SORCS3: variants seen among roughly 807,000 people sequenced by gnomAD.
SORCS3 encodes the protein VPS10 domain-containing receptor SorCS3.
SORCS3 carries 57 observed loss-of-function variants against 146.3 expected under a neutral mutation model. The observed-to-expected ratio is 0.39, with a 90% CI of 0.31 to 0.49. The LOEUF is 0.49. Among genes scored for constraint, SORCS3 ranks in the 20% least tolerant of loss-of-function variants. The pLI is 0.92. For missense variants in SORCS3, 1,341 were observed against 1,575.5 expected (o/e 0.85, Z 2.52); for synonymous variants, 653 against 618.5 (o/e 1.06, Z -0.83).
At chr10:104,872,460 G>A (rs1212985718) in intron 2 of SORCS3, among the ~76,000 whole-genome samples, 2 of 152,080 alleles carry the variant, frequency 1.3e-5, no homozygotes, top group Non-Finnish European at 2.9e-5. Flanking sequence ...CAGCATTACC[G>A]GTCTGCAACA....
intron 2 of SORCS3, among the ~76,000 whole-genome samples, chr10:104,876,811 C>A (rs1214042706): frequency 3.5e-5 from 5 of 143,630 alleles, no homozygotes; most frequent in Non-Finnish European, 7.5e-5. Flanking sequence ...CTTTCTCTTT[C>A]TCTCCTTCTT....
intron 8 of SORCS3, among the ~76,000 whole-genome samples, chr10:105,144,646 A>G (rs2056118177): frequency 6.6e-6 from 1 of 152,132 alleles, no homozygotes; most frequent in South Asian, 2.1e-4. Flanking sequence ...ATGCTTTTCA[A>G]GTTCCAAGTT....
At chr10:105,137,192 C>T (rs2056064616) in intron 7 of SORCS3, among the ~76,000 whole-genome samples, 1 of 152,066 alleles carries the variant, frequency 6.6e-6, no homozygotes. Context: ...TGATCTCTGG[C>T]CAGCATTCAG....
intron 4 of SORCS3, among the ~76,000 whole-genome samples, chr10:105,038,684 T>G (rs1304199941): frequency 1.3e-5 from 2 of 152,166 alleles, no homozygotes; most frequent in Non-Finnish European, 2.9e-5. Flanking sequence ...CGACCACTGC[T>G]AAAATTTTGG....
At chr10:105,077,521 AACAC>A (rs60182481) in intron 5 of SORCS3, among the ~76,000 whole-genome samples, 8,169 of 116,580 alleles carry the variant, frequency 0.07, 271 homozygotes, top group Middle Eastern at 0.12. Context: ...GACTAAATTA[AACAC>A]ACACACACAC....
intron 1 of SORCS3, among the ~76,000 whole-genome samples, chr10:104,677,485 C>T (rs1056713056): frequency 1.3e-5 from 2 of 152,184 alleles, no homozygotes; most frequent in African/African-American, 4.8e-5. Context: ...CGGGATGTTC[C>T]TCTAACATTA....
chr10:104,802,318 C>T (rs1310099206), intron 1 of SORCS3, among the ~76,000 whole-genome samples: 1 of 152,070 alleles, frequency 6.6e-6, no homozygotes, highest in Non-Finnish European at 1.5e-5. Flanking sequence ...TGAAAAGCAG[C>T]CACAACAAAG....
Position 105,201,268 on chromosome 10 carries a change from A to G in SORCS3, c.2261+15A>G, listed in dbSNP as rs2056573160. 1 of 1,598,082 alleles carries G rather than the reference A, an allele frequency of 6.3e-7. No individual in the cohort carries two copies. Among genetic ancestry groups the G allele is most frequent in the Non-Finnish European group, 8.5e-7 (1 of 1,173,682 alleles). ...GACTTCGAGTGGTGAGTTGTTTGGC[A>G]TTTCATTACCAATTCCAACCAGGTC... On this transcript the variant is annotated intron_variant, in intron 16 of 26. Transcript: ENST00000369701.
chr10:105,198,043 C>T (rs2056553747), intron 14 of SORCS3, among the ~76,000 whole-genome samples: 1 of 152,158 alleles, frequency 6.6e-6, no homozygotes, highest in South Asian at 2.1e-4. Context: ...TACCAAGCAC[C>T]TGGCTCATAT....
chr10:104,875,279 G>A (rs1264531451), intron 2 of SORCS3, among the ~76,000 whole-genome samples: 1 of 152,194 alleles, frequency 6.6e-6, no homozygotes, highest in African/African-American at 2.4e-5. Flanking sequence ...CATCAAGGAT[G>A]CCATCTTGGG....
At chr10:104,937,192 C>T (rs1341483428) in intron 3 of SORCS3, among the ~76,000 whole-genome samples, 3 of 152,150 alleles carry the variant, frequency 2.0e-5, no homozygotes, top group Admixed American at 6.5e-5. Context: ...TGACAGGAGG[C>T]GGAGCTCAGG....
chr10:105,106,067 T>A (rs1198991635), intron 7 of SORCS3, among the ~76,000 whole-genome samples: 1 of 152,144 alleles, frequency 6.6e-6, no homozygotes, highest in African/African-American at 2.4e-5. Context: ...TTTTACATTT[T>A]CGGTCTTCTT....
At chr10:104,812,985 C>T (rs1489809621) in intron 1 of SORCS3, among the ~76,000 whole-genome samples, 3 of 152,312 alleles carry the variant, frequency 2.0e-5, no homozygotes, top group Middle Eastern at 3.4e-3. Flanking sequence ...CCAGCTCTAA[C>T]TTCAAAACAC....
intron 1 of SORCS3, among the ~76,000 whole-genome samples, chr10:104,656,262 G>T (rs1178160204): frequency 6.6e-6 from 1 of 152,154 alleles, no homozygotes; most frequent in East Asian, 1.9e-4. Context: ...AGGAAGGACA[G>T]TGTGGCTGGA....
chr10:105,211,114 T>C, intron 16 of SORCS3, 23 bp from the exon 17 acceptor site: 1 of 1,533,134 alleles, frequency 6.5e-7, no homozygotes, highest in Non-Finnish European at 9.0e-7. Flanking sequence ...TATACTACTA[T>C]GCAATATTCA....
chr10:105,057,287 G>GT (rs1003082124), intron 5 of SORCS3, among the ~76,000 whole-genome samples: 6 of 151,994 alleles, frequency 3.9e-5, no homozygotes, highest in South Asian at 4.2e-4. Context: ...TTCTGTATAA[G>GT]TTTTTTTTAA....
intron 4 of SORCS3, among the ~76,000 whole-genome samples, chr10:105,021,270 G>T (rs1363853915): frequency 1.3e-5 from 2 of 152,108 alleles, no homozygotes; most frequent in East Asian, 3.9e-4. Flanking sequence ...TGGTGGAAGG[G>T]CAAAGAGAGG....
intron 1 of SORCS3, among the ~76,000 whole-genome samples, chr10:104,791,264 G>A (rs148078551): frequency 2.6e-5 from 4 of 152,346 alleles, no homozygotes; most frequent in East Asian, 3.9e-4. Flanking sequence ...GGCTCAGATG[G>A]CTGGAGGTGC....
intron 1 of SORCS3, among the ~76,000 whole-genome samples, chr10:104,795,776 A>G (rs1304426122): frequency 6.6e-6 from 1 of 152,220 alleles, no homozygotes; most frequent in Admixed American, 6.5e-5. Context: ...GTTATCCTCT[A>G]TGATCAATTC....
Sources: allele counts gnomAD v4.1 joint callset (sites outside exome capture counted in the v4.1 genomes callset), GRCh38; gene constraint gnomAD v4.1.1; transcripts MANE v1.5; gene names NCBI Gene and HGNC (gene_info 2026-07-23, HGNC 2026-07-21).